Variants in SUCLG2 observed in about 807,000 individuals in gnomAD.
SUCLG2 encodes succinate--CoA ligase [GDP-forming] subunit beta, mitochondrial.
SUCLG2 carries 42 observed loss-of-function variants against 47.9 expected under a neutral mutation model. The ratio of observed to expected loss-of-function variants is 0.88; its 90% CI spans 0.69 to 1.14. The LOEUF (loss-of-function observed/expected upper bound fraction) is 1.14, where lower values mean the gene tolerates loss of function less well. Ranked by LOEUF, SUCLG2 falls within the 50% of genes most tolerant of loss-of-function variation. The pLI is 0.00. For synonymous variants in SUCLG2, 195 were observed against 197.3 expected, an observed-to-expected ratio of 0.99 and a Z score of 0.10; for missense variants, 571 against 525.9, an observed-to-expected ratio of 1.09 and a Z score of -0.84.
chr3:67,649,904 T>G (rs1050864800), intron 1 of SUCLG2, among the ~76,000 whole-genome samples: 1 of 152,190 alleles, frequency 6.6e-6, no homozygotes, highest in Non-Finnish European at 1.5e-5. Context: ...CTTTCTGGGC[T>G]TTGCGCCTGC....
chr3:67,524,897 T>G (rs1360031972), intron 4 of SUCLG2, among the ~76,000 whole-genome samples: 2 of 152,094 alleles, frequency 1.3e-5, no homozygotes, highest in South Asian at 2.1e-4. Context: ...CCCAAAAACA[T>G]TAACAGGCAC....
At chr3:67,375,950 C>G in intron 10 of SUCLG2, 91 bp from the exon 11 acceptor site, 2 of 1,489,238 alleles carry the variant, frequency 1.3e-6, no homozygotes, top group Non-Finnish European at 1.8e-6. Flanking sequence ...CACCTGTCTA[C>G]AGCTTTTCAC....
intron 5 of SUCLG2, among the ~76,000 whole-genome samples, chr3:67,520,210 T>C (rs78716640): frequency 0.056 from 8,553 of 152,004 alleles, 341 homozygotes; most frequent in East Asian, 0.18. Context: ...TTGAGGAAGA[T>C]TGGATGGAAA....
intron 7 of SUCLG2, among the ~76,000 whole-genome samples, chr3:67,507,108 T>C (rs1218365031): frequency 6.6e-6 from 1 of 152,154 alleles, no homozygotes; most frequent in Non-Finnish European, 1.5e-5. Context: ...GGTATAAGCT[T>C]ATCACAGTGT....
intron 2 of SUCLG2, among the ~76,000 whole-genome samples, chr3:67,601,116 A>G (rs1417546717): frequency 1.3e-4 from 20 of 152,244 alleles, no homozygotes; most frequent in Admixed American, 4.6e-4. Context: ...TTTATAATAT[A>G]GAATTTTAAA....
At position 67,465,766 on chromosome 3, in the gene SUCLG2, T is replaced by A. The variant is rs184776801; in HGVS notation, c.1062+30032A>T. On this transcript the variant is annotated intron_variant, in intron 9 of 10. Coordinates refer to ENST00000307227, the MANE Select transcript of SUCLG2 (RefSeq NM_003848.4). ...TGATAAAATCCTTGCACATTTAATC[T>A]TGTCTTGATGGCATCTGGGACCCTA... Among the ~76,000 whole-genome samples the A allele has an allele frequency of 3.3e-4, 50 of 152,264 alleles. 1 individual carries two copies. In the East Asian group the frequency reaches 7.5e-3, roughly 23 times the overall value.
chr3:67,408,514 T>G, intron 9 of SUCLG2: 1 of 643,342 alleles, frequency 1.6e-6, no homozygotes, highest in Non-Finnish European at 1.9e-6. Context: ...GGAAACGACA[T>G]CTTATGGAGA....
At chr3:67,573,136 A>T (rs1019397660) in intron 2 of SUCLG2, among the ~76,000 whole-genome samples, 2 of 152,310 alleles carry the variant, frequency 1.3e-5, no homozygotes, top group South Asian at 4.1e-4. Context: ...TACGCTTGAA[A>T]ACCACAAAAT....
At chr3:67,476,898 T>C (rs1433877268) in intron 9 of SUCLG2, among the ~76,000 whole-genome samples, 1 of 152,146 alleles carries the variant, frequency 6.6e-6, no homozygotes, top group Non-Finnish European at 1.5e-5. Flanking sequence ...ATTCCATACT[T>C]AGCAAAACCA....
intron 9 of SUCLG2, among the ~76,000 whole-genome samples, chr3:67,407,969 T>C (rs72626930): frequency 0.11 from 16,206 of 152,264 alleles, 1,127 homozygotes; most frequent in East Asian, 0.21. Context: ...GATGTTTGTA[T>C]GCCTGGATTT....
chr3:67,465,334 CCTT>C (rs982525701), intron 9 of SUCLG2, among the ~76,000 whole-genome samples: 4 of 152,174 alleles, frequency 2.6e-5, no homozygotes, highest in African/African-American at 9.7e-5. Context: ...CCTCCTCAGT[CCTT>C]CTCGCTCACT....
At chr3:67,383,705 T>C (rs1702206259) in intron 10 of SUCLG2, among the ~76,000 whole-genome samples, 1 of 152,166 alleles carries the variant, frequency 6.6e-6, no homozygotes, top group African/African-American at 2.4e-5. Flanking sequence ...GTCTAACATA[T>C]TCACTGAGAG....
intron 2 of SUCLG2, among the ~76,000 whole-genome samples, chr3:67,561,978 C>A (rs1441052491): frequency 3.9e-5 from 6 of 152,162 alleles, no homozygotes; most frequent in African/African-American, 1.4e-4. Flanking sequence ...AGTCACTTAT[C>A]CATGAAGCCT....
chr3:67,499,188 TCTC>T (rs74266928), intron 7 of SUCLG2, among the ~76,000 whole-genome samples: 78,970 of 151,744 alleles, frequency 0.52, 22,344 homozygotes, highest in Non-Finnish European at 0.64. Flanking sequence ...ACATCCATCT[TCTC>T]ATATAGTTTT....
chr3:67,492,016 T>C (rs1358760403), intron 9 of SUCLG2, among the ~76,000 whole-genome samples: 1 of 152,166 alleles, frequency 6.6e-6, no homozygotes, highest in Non-Finnish European at 1.5e-5. Context: ...AGAATCCCAC[T>C]AAGAGTCCCT....
chr3:67,508,427 TTTATTA>T (rs942142348), intron 7 of SUCLG2, among the ~76,000 whole-genome samples: 5 of 151,824 alleles, frequency 3.3e-5, no homozygotes, highest in Non-Finnish European at 7.4e-5. Context: ...CCTTTTATTA[TTTATTA>T]TTATTATTAT....
intron 2 of SUCLG2, among the ~76,000 whole-genome samples, chr3:67,576,539 T>C (rs1199035817): frequency 6.6e-6 from 1 of 152,210 alleles, no homozygotes; most frequent in East Asian, 1.9e-4. Context: ...GATAAATATA[T>C]TTAAATTTCC....
chr3:67,400,067 AAC>A (rs1349558024), intron 10 of SUCLG2, among the ~76,000 whole-genome samples: 2 of 152,116 alleles, frequency 1.3e-5, no homozygotes, highest in Non-Finnish European at 2.9e-5. Flanking sequence ...CATTTTGAAA[AAC>A]ACATATGTCT....
chr3:67,632,144 CAAAT>C lies in SUCLG2; in HGVS notation c.84+22355_84+22358del, dbSNP rs530569318. Among the ~76,000 whole-genome samples, 484 of 152,160 alleles carry C rather than the reference CAAAT, an allele frequency of 3.2e-3. 3 individuals are homozygous for C. The highest frequency in any genetic ancestry group is 0.011 in the African/African-American group (467 of 41,514). On this transcript the variant is annotated intron_variant, in intron 1 of 10. Coordinates refer to ENST00000307227, the MANE Select transcript of SUCLG2 (RefSeq NM_003848.4). ...CATATATTATGTACAAATAAATAGA[CAAAT>C]AAGCCAGTTCAAGCACAAATTCTAC...
Sources: allele counts gnomAD v4.1 joint callset (sites outside exome capture counted in the v4.1 genomes callset), GRCh38; gene constraint gnomAD v4.1.1; transcripts MANE v1.5; gene names NCBI Gene and HGNC (gene_info 2026-07-23, HGNC 2026-07-21).